CTPS2: variants seen among roughly 807,000 people sequenced by gnomAD.
CTPS2 encodes the protein CTP synthase 2, also known as CTP synthase II.
A neutral mutation model predicts 46.8 loss-of-function variants in CTPS2; 19 were observed. That is an observed-to-expected ratio of 0.41 (90% confidence interval 0.28 to 0.60). The LOEUF (loss-of-function observed/expected upper bound fraction) is 0.60. Among genes scored for constraint, CTPS2 ranks in the 20% least tolerant of loss-of-function variants. The pLI is 0.35. For synonymous variants in CTPS2, 151 were observed against 165.2 expected, an observed-to-expected ratio of 0.91 and a Z score of 0.66; for missense variants, 286 against 447.6, an observed-to-expected ratio of 0.64 and a Z score of 3.26.
chrX:16,710,252 C>T (rs190109369), intron 1 of CTPS2, among the ~76,000 whole-genome samples: 41 of 112,497 alleles, frequency 3.6e-4, no homozygotes, highest in Non-Finnish European at 7.1e-4. Flanking sequence ...TGTGGACAGG[C>T]TTTGCTGGGT....
At chrX:16,591,695 TCTCTGACCTTC>T (rs1428014176) in intron 17 of CTPS2, among the ~76,000 whole-genome samples, 1 of 111,382 alleles carries the variant, frequency 9.0e-6, no homozygotes, top group Non-Finnish European at 1.9e-5. Flanking sequence ...CAAGAAGTTC[TCTCTGACCTTC>T]CTCTGACCTT....
chrX:16,674,695 G>T (rs190642722), intron 10 of CTPS2, among the ~76,000 whole-genome samples: 3 of 106,237 alleles, frequency 2.8e-5, no homozygotes, highest in African/African-American at 1.0e-4. Context: ...AAAATTAGCC[G>T]GGCGTGGTGG....
At position 16,667,127 on chromosome X, in the gene CTPS2, C is replaced by T. The variant is rs757058674; in HGVS notation, c.1296+387G>A. Among the ~76,000 whole-genome samples, 13 of 94,993 alleles carry T rather than the reference C, an allele frequency of 1.4e-4. No homozygotes were observed. The East Asian group carries it at 4.0e-3, about 30-fold the overall frequency. The allele number at this position is 94,993 out of a possible 115,157, so 82.5% of individuals were successfully genotyped here. A position where few individuals can be genotyped will look rare whatever the true frequency, so the allele number is the denominator to read the frequency against. ...CTGTAAAGAAAAAATAATAATAGAC[C>T]CCCCCCCGCCTTTTTTTTTTTTTGA... On this transcript the variant is annotated intron_variant, in intron 13 of 18. Transcript: ENST00000359276.
Position 16,698,274 on chromosome X carries a change from C to A in CTPS2, c.400G>T (p.Asp134Tyr). 8.3e-7 allele frequency: 1 copy of A among 1,208,254 alleles called. No homozygotes were observed. Among genetic ancestry groups the A allele is most frequent in the Non-Finnish European group, 1.1e-6 (1 of 892,466 alleles). The change falls in exon 4 of 19, where the codon GAT becomes TAT. Residue 134 changes from aspartate (D) to tyrosine (Y), a missense_variant. Physicochemically the swap from Asp to Tyr is radical, Grantham distance 160. Transcript: ENST00000359276. ...ATTTGGGGCTCTTCCTTATTACCATCCACCGGCACCTTGGCTTGATTCATA... is the reference window on the plus strand; with the variant it reads ...ATTTGGGGCTCTTCCTTATTACCATACACCGGCACCTTGGCTTGATTCATA... ...WVMNQAKVPV[D>Y]GNKEEPQICV...
rs1048392 is a variant in CTPS2, at chrX:16,609,633, C to G, written c.1599G>C (p.Pro533=). ...VQFHPEFSSR[P]MKPSPPYLGL... is the part of the protein sequence containing the mutation. The stretch of plus-strand genomic sequence containing the variant: ...CCAGATACGGAGGGGAAGGCTTCAT[C>G]GGCCTAGAAGAAAACTCAGGATGGA... Residue 533 remains proline, a synonymous_variant, in exon 17 of 19, where the codon CCG becomes CCC. Coordinates refer to ENST00000359276, the MANE Select transcript of CTPS2 (RefSeq NM_175859.3). 8.3e-7 allele frequency: 1 copy of G among 1,208,516 alleles called. No homozygotes were observed. Among genetic ancestry groups the G allele is most frequent in the African/African-American group, 1.8e-5 (1 of 56,776 alleles).
intron 18 of CTPS2, 69 bp downstream of exon 18, chrX:16,590,683 C>T (rs1928848623): frequency 1.7e-6 from 1 of 575,909 alleles, no homozygotes. Flanking sequence ...TCCTATAATA[C>T]CCGCCTCTAT....
chrX:16,638,711 C>T (rs755833704), intron 14 of CTPS2: 127 of 282,230 alleles, frequency 4.5e-4, no homozygotes, highest in African/African-American at 1.7e-3. Context: ...AACTGCCCTC[C>T]TACTCGGAAG....
chrX:16,634,008 G>A (rs1167586258), intron 14 of CTPS2, among the ~76,000 whole-genome samples: 1 of 112,127 alleles, frequency 8.9e-6, no homozygotes, highest in East Asian at 2.8e-4. Context: ...GAAACCATGT[G>A]AAGTGTTTTA....
In CTPS2 at chrX:16,667,572, A is replaced by G; in HGVS notation, c.1253-15T>C. ...GGAATCAGCATCTGAAGATTAAGAAAAGAGTTCAGTAATTCACCAATAGTG... is the reference window on the plus strand; with the variant it reads ...GGAATCAGCATCTGAAGATTAAGAAGAGAGTTCAGTAATTCACCAATAGTG... On this transcript the variant is annotated splice_polypyrimidine_tract_variant and intron_variant, in intron 12 of 18. Coordinates refer to ENST00000359276, the MANE Select transcript of CTPS2 (RefSeq NM_175859.3). The G allele has an allele frequency of 2.5e-6, 3 of 1,209,530 alleles. No individual in the cohort carries two copies. The highest frequency in any genetic ancestry group is 3.4e-6 in the Non-Finnish European group (3 of 893,505).
intron 13 of CTPS2, among the ~76,000 whole-genome samples, chrX:16,662,930 G>T (rs973840241): frequency 3.6e-5 from 4 of 110,972 alleles, no homozygotes; most frequent in Non-Finnish European, 7.5e-5. Flanking sequence ...TCGCGCGTGG[G>T]TGCAAGGATA....
chrX:16,590,668 G>T (rs1386261142), intron 18 of CTPS2, 84 bp downstream of exon 18: 1 of 479,490 alleles, frequency 2.1e-6, no homozygotes, highest in East Asian at 3.6e-5. Context: ...ATCCTGTGAG[G>T]CGAGTCCTAT....
intron 17 of CTPS2, among the ~76,000 whole-genome samples, chrX:16,608,393 C>A (rs1930095384): frequency 1.8e-5 from 2 of 108,746 alleles, no homozygotes; most frequent in East Asian, 5.8e-4. Flanking sequence ...TCAAGACCAG[C>A]CTGGACAATA....
chrX:16,628,274 T>A (rs1457294276), intron 14 of CTPS2, among the ~76,000 whole-genome samples: 2 of 112,203 alleles, frequency 1.8e-5, no homozygotes, highest in Admixed American at 1.9e-4. Context: ...TTTATCTCAA[T>A]TTTTTAGTAT....
intron 14 of CTPS2, among the ~76,000 whole-genome samples, chrX:16,632,431 T>TC (rs1286513305): frequency 1.8e-5 from 2 of 109,795 alleles, no homozygotes; most frequent in East Asian, 2.8e-4. Context: ...TTTCTTTCTT[T>TC]TTTTTTTTGA....
intron 14 of CTPS2, among the ~76,000 whole-genome samples, chrX:16,631,095 T>C (rs770108374): frequency 1.5e-4 from 17 of 112,251 alleles, no homozygotes; most frequent in African/African-American, 5.5e-4. Flanking sequence ...ATGCCTGTAA[T>C]CTCAGTACTT....
intron 13 of CTPS2, among the ~76,000 whole-genome samples, chrX:16,663,879 A>G (rs1003873733): frequency 6.3e-5 from 7 of 110,814 alleles, no homozygotes; most frequent in Non-Finnish European, 3.8e-5. Flanking sequence ...TTTGTCACCC[A>G]GGCTGGAGTA....
intron 14 of CTPS2, 62 bp downstream of exon 14, chrX:16,639,085 G>A: frequency 1.1e-6 from 1 of 906,756 alleles, no homozygotes; most frequent in Non-Finnish European, 1.6e-6. Flanking sequence ...AGAGTGCTGG[G>A]CACCTGCAGT....
chrX:16,682,552 A>C (rs1361729840), intron 9 of CTPS2, among the ~76,000 whole-genome samples: 1 of 112,151 alleles, frequency 8.9e-6, no homozygotes, highest in Admixed American at 9.5e-5. Flanking sequence ...GCCTGCTACA[A>C]GATTGAGACT....
At chrX:16,682,046 C>T (rs1393300506) in intron 9 of CTPS2, among the ~76,000 whole-genome samples, 2 of 111,903 alleles carry the variant, frequency 1.8e-5, no homozygotes, top group East Asian at 5.6e-4. Context: ...ATCTAGATTC[C>T]ATTCCAATGC....
Sources: gnomAD v4.1 joint callset for allele counts (sites outside exome capture counted in the v4.1 genomes callset) on GRCh38, gnomAD v4.1.1 for gene constraint, MANE v1.5 for transcripts, NCBI Gene and HGNC (gene_info 2026-07-23, HGNC 2026-07-21) for gene names.